Variants in AOPEP observed in about 807,000 individuals in gnomAD.
The protein encoded by AOPEP is aminopeptidase O.
A neutral mutation model predicts 98.1 loss-of-function variants in AOPEP; 77 were observed. The ratio of observed to expected loss-of-function variants is 0.78; its 90% CI spans 0.65 to 0.95. The LOEUF (loss-of-function observed/expected upper bound fraction) is 0.95. Ranked by LOEUF, AOPEP falls within the 40% of genes least tolerant of loss-of-function variation. The pLI is 0.00. For synonymous variants in AOPEP, 346 were observed against 365.3 expected (o/e 0.95, Z 0.60); for missense variants, 1,024 against 1,024.7 (o/e 1.00, Z 0.01).
chr9:94,838,909 C>CTTTTTTTTTTTTTTT (rs35849023), intron 5 of AOPEP, among the ~76,000 whole-genome samples: 1 of 99,770 alleles, frequency 1.0e-5, no homozygotes, highest in Admixed American at 1.5e-4. Context: ...AAATGCTATT[C>CTTTTTTTTTTTTTTT]TTTTTTTTTT....
At chr9:94,789,892 T>G (rs111312972) in intron 3 of AOPEP, among the ~76,000 whole-genome samples, 4,979 of 150,100 alleles carry the variant, frequency 0.033, 282 homozygotes, top group African/African-American at 0.11. Context: ...TTTTTTTTTT[T>G]AGACGGAGTC....
chr9:94,742,295 C>G lies in AOPEP; in HGVS notation c.-136+15544C>G, dbSNP rs553454781. ...GTGTGTTGAGGGGATGGTAGCAGAC[C>G]AGTGGGGTGCCCTCAAGGCCTCTAG... On this transcript the variant is annotated intron_variant, in intron 1 of 16. Transcript: ENST00000375315. Among the ~76,000 whole-genome samples, 18 of 152,260 alleles carry G rather than the reference C, an allele frequency of 1.2e-4. No individual in the cohort carries two copies. The South Asian group carries it at 3.1e-3, about 26-fold the overall frequency.
At chr9:95,089,388 A>G (rs143296370), downstream of AOPEP, among the ~76,000 whole-genome samples, 108 of 152,346 alleles carry the variant, frequency 7.1e-4, 1 homozygote, top group African/African-American at 2.5e-3. Flanking sequence ...TGCACGGGAC[A>G]TAGTAGTTTT....
At chr9:94,769,550 T>C (rs1360407569) in intron 2 of AOPEP, among the ~76,000 whole-genome samples, 1 of 152,212 alleles carries the variant, frequency 6.6e-6, no homozygotes, top group African/African-American at 2.4e-5. Context: ...AGAATGTGAT[T>C]GAGTCTCCTA....
chr9:94,895,852 C>T (rs899918595), intron 5 of AOPEP, among the ~76,000 whole-genome samples: 4 of 152,210 alleles, frequency 2.6e-5, no homozygotes, highest in Non-Finnish European at 5.9e-5. Flanking sequence ...CTGCACTCGG[C>T]TGTGCTTTTT....
intron 5 of AOPEP, among the ~76,000 whole-genome samples, chr9:94,809,767 C>T (rs1564175320): frequency 6.6e-6 from 1 of 152,154 alleles, no homozygotes. Context: ...CACTATAAAA[C>T]ACATACACAA....
rs974551445 is a variant in AOPEP, at chr9:94,934,315, C to CTTTTTTTT, written c.1661+5796_1661+5803dup. Among the ~76,000 whole-genome samples, 119 of 116,732 alleles carry CTTTTTTTT rather than the reference C, an allele frequency of 1.0e-3. 5 individuals are homozygous for CTTTTTTTT. The highest frequency in any genetic ancestry group is 4.6e-3 in the African/African-American group (117 of 25,206). 76.6% of individuals were successfully genotyped at this position (116,732 alleles called of 152,430 possible). A position where few individuals can be genotyped will look rare whatever the true frequency, so the allele number is the denominator to read the frequency against. ...CTGACTATGCTCACACTTCTCCCAT[C>CTTTTTTTT]TTTTTTTTTTTTTTTTTTTGAGACA... On this transcript the variant is annotated intron_variant, in intron 7 of 16. Coordinates refer to ENST00000375315, the MANE Select transcript of AOPEP (RefSeq NM_001193329.3).
At chr9:94,970,335 A>G (rs1318995489) in intron 10 of AOPEP, among the ~76,000 whole-genome samples, 4 of 152,120 alleles carry the variant, frequency 2.6e-5, no homozygotes, top group African/African-American at 4.8e-5. Flanking sequence ...CTCTTCCAGC[A>G]ATTTTGAACA....
At chr9:94,989,697 C>T (rs1328209439) in intron 11 of AOPEP, among the ~76,000 whole-genome samples, 1 of 151,262 alleles carries the variant, frequency 6.6e-6, no homozygotes, top group African/African-American at 2.4e-5. Context: ...CTGCAACCTC[C>T]ACCTCCACGA....
chr9:95,071,014 G>A (rs149703023), intron 14 of AOPEP, among the ~76,000 whole-genome samples: 29 of 152,280 alleles, frequency 1.9e-4, no homozygotes, highest in Non-Finnish European at 3.4e-4. Context: ...ATCAGAAGAC[G>A]GAAAGACAGT....
chr9:94,940,599 A>G (rs1323515601), intron 7 of AOPEP, among the ~76,000 whole-genome samples: 1 of 152,126 alleles, frequency 6.6e-6, no homozygotes, highest in Non-Finnish European at 1.5e-5. Flanking sequence ...ATCTCAATAA[A>G]TAAATAAATA....
the AOPEP span, among the ~76,000 whole-genome samples, chr9:95,094,186 G>A: frequency 2.0e-5 from 3 of 152,174 alleles, no homozygotes; most frequent in Admixed American, 6.5e-5. Flanking sequence ...CACAGGCGCC[G>A]GCATATCCAC....
intron 1 of AOPEP, among the ~76,000 whole-genome samples, chr9:94,748,764 T>C (rs1228716422): frequency 6.6e-6 from 1 of 152,224 alleles, no homozygotes; most frequent in African/African-American, 2.4e-5. Context: ...TATTTTAGAA[T>C]GTCCCTCAGT....
intron 5 of AOPEP, among the ~76,000 whole-genome samples, chr9:94,822,743 G>C (rs532488793): frequency 2.6e-5 from 4 of 152,104 alleles, no homozygotes; most frequent in Non-Finnish European, 5.9e-5. Flanking sequence ...ACTGTTTATC[G>C]AGCTCTGAAC....
chr9:95,088,820 G>A (rs568556197), downstream of AOPEP, among the ~76,000 whole-genome samples: 5 of 152,340 alleles, frequency 3.3e-5, no homozygotes, highest in South Asian at 6.2e-4. Flanking sequence ...GTGAGTCACC[G>A]GGTCTTGTGA....
intron 1 of AOPEP, among the ~76,000 whole-genome samples, chr9:94,734,633 A>G (rs1259766971): frequency 6.6e-6 from 1 of 152,218 alleles, no homozygotes; most frequent in African/African-American, 2.4e-5. Context: ...GAGTTAGATT[A>G]AGCCTTTTCT....
chr9:94,826,079 G>A (rs186129242), intron 5 of AOPEP, among the ~76,000 whole-genome samples: 104 of 151,996 alleles, frequency 6.8e-4, no homozygotes, highest in African/African-American at 2.3e-3. Flanking sequence ...GGAAAATACG[G>A]TGAAATCTGT....
chr9:94,921,207 G>C (rs1205504251), intron 5 of AOPEP: 1 of 152,210 alleles, frequency 6.6e-6, no homozygotes, highest in African/African-American at 2.4e-5. Flanking sequence ...CCCTTTCAAG[G>C]GGAAAAAAAG....
chr9:94,866,889 T>A (rs1409001095), intron 5 of AOPEP, among the ~76,000 whole-genome samples: 1 of 152,198 alleles, frequency 6.6e-6, no homozygotes, highest in Non-Finnish European at 1.5e-5. Context: ...AATGTGAGGA[T>A]TTTTTAATAG....
Sources: allele counts gnomAD v4.1 joint callset (sites outside exome capture counted in the v4.1 genomes callset), GRCh38; gene constraint gnomAD v4.1.1; transcripts MANE v1.5; gene names NCBI Gene and HGNC (gene_info 2026-07-23, HGNC 2026-07-21).